DIABLO: variants seen among roughly 807,000 people sequenced by gnomAD.
DIABLO encodes the protein diablo homolog, mitochondrial.
A neutral mutation model predicts 31.7 loss-of-function variants in DIABLO; 32 were observed. That is an observed-to-expected ratio of 1.01 (90% CI 0.76 to 1.35). The LOEUF is 1.35. Among genes scored for constraint, DIABLO ranks in the 40% most tolerant of loss-of-function variants. The pLI is 0.00. For missense variants in DIABLO, 316 were observed against 286.4 expected, an observed-to-expected ratio of 1.10 and a Z score of -0.75; for synonymous variants, 132 against 103.2, an observed-to-expected ratio of 1.28 and a Z score of -1.69.
intron 2 of DIABLO, 83 bp from the exon 3 acceptor site, chr12:122,218,480 T>C: frequency 6.4e-7 from 1 of 1,573,260 alleles, no homozygotes; most frequent in Non-Finnish European, 8.7e-7. Context: ...AAAACGTAAT[T>C]GTCATGCTGC....
At position 122,211,992 on chromosome 12, in the gene DIABLO, A is replaced by G. The variant is rs189368754; in HGVS notation, c.524-3415T>C. Among the ~76,000 whole-genome samples, 6 of 143,102 alleles carry G rather than the reference A, an allele frequency of 4.2e-5. No individual in the cohort carries two copies. In the Admixed American group the frequency reaches 4.2e-4, roughly 10 times the overall value. The allele number at this position is 143,102 out of a possible 152,430, so 93.9% of individuals were successfully genotyped here. A position where few individuals can be genotyped will look rare whatever the true frequency, so the allele number is the denominator to read the frequency against. ...ATCACTGATGTTTGAAATTATTCCT[A>G]TAATTTTTTTTTTTTTTTTTTAAAT... On this transcript the variant is annotated intron_variant, in intron 5 of 5. Coordinates refer to ENST00000464942, the MANE Select transcript of DIABLO (RefSeq NM_001371333.1).
At chr12:122,227,221 AGAC>A (rs775277046), upstream of DIABLO, 17 of 374,548 alleles carry the variant, frequency 4.5e-5, no homozygotes, top group Admixed American at 1.8e-4. Flanking sequence ...CTTCCACCAG[AGAC>A]GACATCAGAC....
At chr12:122,218,164 T>C (rs955650028) in intron 3 of DIABLO, 102 bp downstream of exon 3, 8 of 1,366,212 alleles carry the variant, frequency 5.9e-6, no homozygotes, top group Non-Finnish European at 8.3e-6. Flanking sequence ...GGCCTGGCTA[T>C]GTTTCAATCA....
chr12:122,209,905 T>C lies in DIABLO; in HGVS notation c.524-1328A>G, dbSNP rs974605216. On this transcript the variant is annotated intron_variant, in intron 5 of 5. Coordinates refer to ENST00000464942, the MANE Select transcript of DIABLO (RefSeq NM_001371333.1). ...TAGGATTACTTAACCTTTATTACAT[T>C]AAGAAAATTATCTCTTCATAATTGT... 3.6e-5 allele frequency: 24 copies of C among 664,612 alleles called. No individual in the cohort carries two copies. In the African/African-American group the frequency reaches 4.3e-4, roughly 12 times the overall value. The allele number at this position is 664,612 out of a possible 1,614,324, so 41.2% of individuals were successfully genotyped here.
At chr12:122,218,484 A>T (rs1954264735) in intron 2 of DIABLO, 87 bp from the exon 3 acceptor site, 1 of 1,567,478 alleles carries the variant, frequency 6.4e-7, no homozygotes, top group African/African-American at 1.4e-5. Flanking sequence ...CGTAATTGTC[A>T]TGCTGCTTAG....
rs576393116 is a variant in DIABLO, at chr12:122,207,997, TA to T, written c.*383del. ...GCATCCCAACAGAGGGAACAAGTAC[TA>T]AATCATTTTTGACGACGTAAATAAG... On this transcript the variant is annotated 3_prime_UTR_variant, in exon 6 of 6. Transcript: ENST00000464942. 44 of 478,880 alleles carry T rather than the reference TA, an allele frequency of 9.2e-5. No individual in the cohort carries two copies. Among genetic ancestry groups the T allele is most frequent in the Admixed American group, 1.4e-4 (6 of 43,234 alleles). The allele number at this position is 478,880 out of a possible 1,614,324, so 29.7% of individuals were successfully genotyped here.
chr12:122,216,687 C>CT, intron 4 of DIABLO, 72 bp downstream of exon 4: 1 of 1,543,124 alleles, frequency 6.5e-7, no homozygotes, highest in Non-Finnish European at 9.0e-7. Context: ...ATTGATTAGA[C>CT]TTAATTCAAT....
intron 2 of DIABLO, among the ~76,000 whole-genome samples, chr12:122,218,983 C>A (rs1263555822): frequency 6.8e-6 from 1 of 147,036 alleles, no homozygotes; most frequent in Non-Finnish European, 1.5e-5. Context: ...GCCTGTAATC[C>A]CAGCACTTTG....
At chr12:122,221,177 T>C (rs1472846779) in intron 2 of DIABLO, 2 of 152,006 alleles carry the variant, frequency 1.3e-5, no homozygotes, top group African/African-American at 4.8e-5. Context: ...AAGGAGGAGA[T>C]AGTTGTTGGA....
chr12:122,225,778 G>A (rs1186106664), intron 1 of DIABLO, 187 bp downstream of exon 1: 15 of 1,446,300 alleles, frequency 1.0e-5, no homozygotes, highest in African/African-American at 2.8e-5. Flanking sequence ...AAAGGAAGCC[G>A]GGCTTGACCC....
At chr12:122,223,157 G>A (rs1175714622) in intron 2 of DIABLO, among the ~76,000 whole-genome samples, 3 of 151,892 alleles carry the variant, frequency 2.0e-5, no homozygotes, top group South Asian at 4.2e-4. Context: ...TGTGACAGCC[G>A]GGCACGGTGG....
chr12:122,218,311 A>G lies in DIABLO; in HGVS notation c.270T>C (p.Ser90=), dbSNP rs1593176536. The G allele has an allele frequency of 6.2e-7, 1 of 1,614,120 alleles. No homozygotes were observed. The highest frequency in any genetic ancestry group is 1.7e-5 in the Admixed American group (1 of 60,014). ...LVTDSTSTFL[S]QTTYALIEAI... ...CTTCAATCAACGCATATGTGGTCTG[A>G]GAGAGAAAGGTAGAGGTGCTATCTG... is the stretch of plus-strand genomic sequence containing the variant. Residue 90 remains serine, a synonymous_variant, in exon 3 of 6, where the codon TCT becomes TCC. Transcript: ENST00000464942.
intron 2 of DIABLO, among the ~76,000 whole-genome samples, chr12:122,220,254 G>C (rs561284957): frequency 2.6e-5 from 4 of 151,808 alleles, no homozygotes; most frequent in Non-Finnish European, 4.4e-5. Context: ...CCTGACCTCA[G>C]CTATTTTAAA....
chr12:122,217,820 C>T (rs116369034), intron 3 of DIABLO: 159 of 179,442 alleles, frequency 8.9e-4, no homozygotes, highest in African/African-American at 3.4e-3. Flanking sequence ...CACGCCTGGC[C>T]CATATACTCT....
At chr12:122,226,252 C>A, upstream of DIABLO, 1 of 721,182 alleles carries the variant, frequency 1.4e-6, no homozygotes. Flanking sequence ...TATGCAGGGC[C>A]TGAGGGCGCG....
At position 122,208,569 on chromosome 12, in the gene DIABLO, G is replaced by C. The variant is rs1187894368; in HGVS notation, c.532C>G (p.Gln178Glu). 2 of 1,612,674 alleles carry C rather than the reference G, an allele frequency of 1.2e-6. No individual in the cohort carries two copies. The highest frequency in any genetic ancestry group is 1.7e-6 in the Non-Finnish European group (2 of 1,180,004). Residue 178 changes from glutamine (Q) to glutamate (E), a missense_variant, in exon 6 of 6, where the codon CAG becomes GAG. Coordinates refer to ENST00000464942, the MANE Select transcript of DIABLO (RefSeq NM_001371333.1). Reference protein sequence around the residue: ...AEAAYQTGADQASITARNHIQ... With the variant: ...AEAAYQTGADEASITARNHIQ... Reference sequence around the variant, plus strand: ...TGATTCCTGGCGGTTATAGAGGCCTGATCTGCGCCTGCCAAAAGATGGGAC... The same window carrying C: ...TGATTCCTGGCGGTTATAGAGGCCTCATCTGCGCCTGCCAAAAGATGGGAC...
chr12:122,213,155 C>G (rs1391008641), intron 5 of DIABLO, among the ~76,000 whole-genome samples: 1 of 150,482 alleles, frequency 6.6e-6, no homozygotes, highest in African/African-American at 2.4e-5. Context: ...CTCAAGTGAT[C>G]CACCTGCTTA....
intron 3 of DIABLO, among the ~76,000 whole-genome samples, chr12:122,217,995 G>C (rs1482235149): frequency 6.7e-6 from 1 of 148,480 alleles, no homozygotes; most frequent in African/African-American, 2.5e-5. Flanking sequence ...AAAAAAAAAA[G>C]GTTCCTGGGA....
At position 122,207,891 on chromosome 12, in the gene DIABLO, G is replaced by C; in HGVS notation, c.*490C>G. ...CTCAGCTGTCCTCACAGGACAGTGG[G>C]GGCAGATCAGAGAACACATCAGAAA... On this transcript the variant is annotated 3_prime_UTR_variant, in exon 6 of 6. Coordinates refer to ENST00000464942, the MANE Select transcript of DIABLO (RefSeq NM_001371333.1). The C allele has an allele frequency of 2.2e-6, 1 of 460,382 alleles. No homozygotes were observed. Among genetic ancestry groups the C allele is most frequent in the East Asian group, 6.9e-5 (1 of 14,556 alleles). 28.5% of individuals were successfully genotyped at this position (460,382 alleles called of 1,614,324 possible).
Sources: gnomAD v4.1 joint callset for allele counts (sites outside exome capture counted in the v4.1 genomes callset) on GRCh38, gnomAD v4.1.1 for gene constraint, MANE v1.5 for transcripts, NCBI Gene and HGNC (gene_info 2026-07-23, HGNC 2026-07-21) for gene names.